The following ATP9B variants were observed in gnomAD, a reference collection of about 807,000 sequenced individuals.
The protein encoded by ATP9B is probable phospholipid-transporting ATPase IIB.
ATP9B carries 110 observed loss-of-function variants against 146.1 expected under a neutral mutation model. That is an observed-to-expected ratio of 0.75 (90% confidence interval 0.65 to 0.88). The LOEUF (loss-of-function observed/expected upper bound fraction) is 0.88, where lower values mean the gene tolerates loss of function less well. Ranked by LOEUF, ATP9B falls within the 40% of genes least tolerant of loss-of-function variation. The pLI is 0.00. For synonymous variants in ATP9B, 604 were observed against 569.7 expected (o/e 1.06, Z -0.86); for missense variants, 1,499 against 1,496.4 (o/e 1.00, Z -0.03).
At chr18:79,374,727 A>G (rs1039024908) in intron 28 of ATP9B, among the ~76,000 whole-genome samples, 6 of 152,384 alleles carry the variant, frequency 3.9e-5, no homozygotes. Context: ...CTGTTCTTAC[A>G]TAAAAGAACT....
chr18:79,222,506 A>C (rs1411000050), intron 11 of ATP9B, among the ~76,000 whole-genome samples: 5 of 151,968 alleles, frequency 3.3e-5, no homozygotes, highest in Non-Finnish European at 7.4e-5. Flanking sequence ...TATTGATCCC[A>C]CCCCCTGGAA....
chr18:79,269,832 G>C (rs2096238513), intron 12 of ATP9B, among the ~76,000 whole-genome samples: 1 of 152,354 alleles, frequency 6.6e-6, no homozygotes, highest in Admixed American at 6.5e-5. Flanking sequence ...CCTGACTTCA[G>C]CTCCACAAGC....
chr18:79,172,795 G>A lies in ATP9B; in HGVS notation c.779-4018G>A, dbSNP rs531551873. ...AAACCATTCATCATTGTTGGTTGAA[G>A]TTTTTTGTTGTTTACAGGTTTTTGT... is the stretch of plus-strand genomic sequence containing the variant. On this transcript the variant is annotated intron_variant, in intron 7 of 29. Transcript: ENST00000426216. Among the ~76,000 whole-genome samples, 69 of 152,372 alleles carry A rather than the reference G, an allele frequency of 4.5e-4. No homozygotes were observed. The South Asian group carries it at 6.6e-3, about 15-fold the overall frequency.
intron 5 of ATP9B, among the ~76,000 whole-genome samples, chr18:79,131,566 GC>G (rs1262057225): frequency 3.3e-5 from 5 of 152,216 alleles, no homozygotes; most frequent in Non-Finnish European, 4.4e-5. Flanking sequence ...TTTGCACATT[GC>G]TTGTGGGAAC....
At chr18:79,299,006 T>C (rs1050622534) in intron 13 of ATP9B, among the ~76,000 whole-genome samples, 4 of 152,232 alleles carry the variant, frequency 2.6e-5, no homozygotes, top group African/African-American at 4.8e-5. Context: ...CCAAGTCCAG[T>C]TGATGCTCTT....
At chr18:79,275,108 A>G (rs2096293538) in intron 12 of ATP9B, among the ~76,000 whole-genome samples, 1 of 152,248 alleles carries the variant, frequency 6.6e-6, no homozygotes, top group Admixed American at 6.5e-5. Context: ...CACAAATCTG[A>G]AAGAACACAG....
intron 11 of ATP9B, among the ~76,000 whole-genome samples, chr18:79,217,927 T>C (rs2095642977): frequency 1.3e-5 from 2 of 152,222 alleles, no homozygotes; most frequent in African/African-American, 2.4e-5. Flanking sequence ...TAACACTCAA[T>C]TCTGACAGCT....
intron 7 of ATP9B, among the ~76,000 whole-genome samples, chr18:79,175,200 AAAAAAAAAAAAAAG>A (rs1008983122): frequency 2.0e-5 from 3 of 150,484 alleles, no homozygotes; most frequent in Non-Finnish European, 3.0e-5. Flanking sequence ...ACTGTCTCAA[AAAAAAAAAAAAAAG>A]AAAAAAAAAA....
At chr18:79,171,580 G>A (rs1033237846) in intron 7 of ATP9B, among the ~76,000 whole-genome samples, 1 of 152,138 alleles carries the variant, frequency 6.6e-6, no homozygotes, top group African/African-American at 2.4e-5. Flanking sequence ...TTCAGTGGTT[G>A]ACAACTTACC....
chr18:79,332,424 G>GTTA (rs1568721288), intron 17 of ATP9B, among the ~76,000 whole-genome samples: 12 of 152,286 alleles, frequency 7.9e-5, no homozygotes, highest in Non-Finnish European at 8.8e-5. Flanking sequence ...GCGAGACTCC[G>GTTA]TCTCAAAAAA....
chr18:79,201,483 A>G (rs1456151377), intron 9 of ATP9B, among the ~76,000 whole-genome samples: 3 of 152,202 alleles, frequency 2.0e-5, no homozygotes, highest in Admixed American at 6.5e-5. Flanking sequence ...ATGGTGGCTC[A>G]TGCTTGTAAC....
chr18:79,355,503 A>G (rs1349262740), intron 25 of ATP9B, among the ~76,000 whole-genome samples: 1 of 152,240 alleles, frequency 6.6e-6, no homozygotes, highest in Non-Finnish European at 1.5e-5. Context: ...TAGAAGGGAC[A>G]GAGGGAGGAC....
chr18:79,155,888 G>C (rs1432189119), intron 7 of ATP9B, among the ~76,000 whole-genome samples: 1 of 149,988 alleles, frequency 6.7e-6, no homozygotes. Context: ...TCAGCCTCCC[G>C]GGTAGCTGGG....
rs1246895964 is a variant in ATP9B at position 79,126,386 on chromosome 18, T to A, written c.667+11T>A. ...AGCTTACAGTAAGAGGTCAGCAAGA[T>A]GCTTTAATCCTGCTTAGCGTTTGCT... is the stretch of plus-strand genomic sequence containing the variant. On this transcript the variant is annotated intron_variant, in intron 5 of 29. Transcript: ENST00000426216. 6.3e-7 allele frequency: 1 copy of A among 1,582,026 alleles called. No homozygotes were observed. The highest frequency in any genetic ancestry group is 1.3e-5 in the African/African-American group (1 of 74,358).
chr18:79,308,644 A>T (rs1357169883), intron 15 of ATP9B, among the ~76,000 whole-genome samples: 1 of 151,598 alleles, frequency 6.6e-6, no homozygotes, highest in African/African-American at 2.4e-5. Flanking sequence ...GGGTCTGAGG[A>T]GTGATCCCCA....
chr18:79,175,910 A>T (rs1045751636), intron 7 of ATP9B, among the ~76,000 whole-genome samples: 1 of 152,218 alleles, frequency 6.6e-6, no homozygotes, highest in Admixed American at 6.5e-5. Flanking sequence ...ACAGTTATAT[A>T]TGCATAGAGA....
chr18:79,220,303 T>G (rs2095665549), intron 11 of ATP9B, among the ~76,000 whole-genome samples: 1 of 152,194 alleles, frequency 6.6e-6, no homozygotes, highest in Non-Finnish European at 1.5e-5. Context: ...ATCCTTTCCT[T>G]CTTACAAATA....
At chr18:79,090,074 C>T (rs567004509) in intron 1 of ATP9B, among the ~76,000 whole-genome samples, 243 of 152,168 alleles carry the variant, frequency 1.6e-3, no homozygotes, top group Non-Finnish European at 2.6e-3. Flanking sequence ...TCCTTTTGTT[C>T]CATTGATGTT....
At chr18:79,125,221 G>A (rs376150239) in intron 4 of ATP9B, among the ~76,000 whole-genome samples, 5 of 152,110 alleles carry the variant, frequency 3.3e-5, no homozygotes, top group Admixed American at 2.0e-4. Context: ...TTGTAGGGCC[G>A]AGGGAGGCTC....
Sources: allele counts gnomAD v4.1 joint callset (sites outside exome capture counted in the v4.1 genomes callset), GRCh38; gene constraint gnomAD v4.1.1; transcripts MANE v1.5; gene names NCBI Gene and HGNC (gene_info 2026-07-23, HGNC 2026-07-21).